Variants in GFRAL observed in about 807,000 individuals in gnomAD.
GFRAL encodes GDNF family receptor alpha like, also known as GDNF family receptor alpha-like.
A neutral mutation model predicts 45.4 loss-of-function variants in GFRAL; 36 were observed. The observed-to-expected ratio is 0.79, with a 90% CI of 0.61 to 1.05. The LOEUF (loss-of-function observed/expected upper bound fraction) is 1.05. Ranked by LOEUF, GFRAL falls within the 50% of genes least tolerant of loss-of-function variation. The pLI is 0.00. For synonymous variants in GFRAL, 166 were observed against 154.1 expected (o/e 1.08, Z -0.57); for missense variants, 507 against 467.5 (o/e 1.08, Z -0.78).
chr6:55,379,080 G>A (rs13217631), intron 6 of GFRAL, among the ~76,000 whole-genome samples: 43,639 of 151,828 alleles, frequency 0.29, 7,250 homozygotes, highest in Middle Eastern at 0.45. Context: ...CAACCTGAGA[G>A]CTTGAATGAG....
intron 8 of GFRAL, among the ~76,000 whole-genome samples, chr6:55,401,135 G>A (rs1768891435): frequency 6.6e-6 from 1 of 152,070 alleles, no homozygotes. Context: ...ATGGACAAAT[G>A]TTTTGAATTT....
intron 6 of GFRAL, among the ~76,000 whole-genome samples, chr6:55,369,288 G>A (rs1347027599): frequency 1.3e-5 from 2 of 152,160 alleles, no homozygotes; most frequent in East Asian, 1.9e-4. Flanking sequence ...GCAATGCCTC[G>A]CCCTGCTTCG....
At chr6:55,330,623 A>G (rs1041189709) in intron 1 of GFRAL, among the ~76,000 whole-genome samples, 1 of 152,188 alleles carries the variant, frequency 6.6e-6, no homozygotes, top group Non-Finnish European at 1.5e-5. Context: ...ATGCAGAGGT[A>G]GAAGACAGCA....
At chr6:55,354,020 A>G (rs56310985) in intron 5 of GFRAL, among the ~76,000 whole-genome samples, 16,369 of 152,058 alleles carry the variant, frequency 0.11, 998 homozygotes, top group African/African-American at 0.17. Flanking sequence ...AAATCACTAT[A>G]AAAATATCAG....
rs1768164936 is a variant in GFRAL at position 55,354,746 on chromosome 6, T to C, written c.701+3163T>C. Among the ~76,000 whole-genome samples, 3 of 152,062 alleles carry C rather than the reference T, an allele frequency of 2.0e-5. No homozygotes were observed. In the South Asian group the frequency reaches 6.2e-4, roughly 31 times the overall value. On this transcript the variant is annotated intron_variant, in intron 5 of 8. Transcript: ENST00000340465. ...TTCAATGAGAATATTAAGCCCTTTA[T>C]GATACTTATCTTTTTTGCAGAAGAG...
rs556734418 is a variant in GFRAL, at chr6:55,348,914, G to A, written c.317-1178G>A. On this transcript the variant is annotated intron_variant, in intron 3 of 8. Transcript: ENST00000340465. The stretch of plus-strand genomic sequence containing the variant: ...CTTACCAATCATTCCCAATGCAGGG[G>A]TACTAATCCATAAAAGAATGTCCAG... Among the ~76,000 whole-genome samples, 11 of 152,162 alleles carry A rather than the reference G, an allele frequency of 7.2e-5. No homozygotes were observed. In the East Asian group the frequency reaches 1.9e-3, roughly 27 times the overall value.
intron 5 of GFRAL, among the ~76,000 whole-genome samples, chr6:55,355,658 T>C (rs527615574): frequency 3.3e-5 from 5 of 152,126 alleles, no homozygotes; most frequent in East Asian, 1.9e-4. Context: ...TATAAAATTA[T>C]ATAATCTGCA....
intron 6 of GFRAL, among the ~76,000 whole-genome samples, chr6:55,360,397 T>A (rs1427473443): frequency 2.8e-5 from 3 of 107,068 alleles, no homozygotes; most frequent in African/African-American, 1.3e-4. Flanking sequence ...TATATCTACA[T>A]CTATATCTAT....
intron 6 of GFRAL, among the ~76,000 whole-genome samples, chr6:55,383,780 G>A (rs1768644979): frequency 6.6e-6 from 1 of 151,994 alleles, no homozygotes; most frequent in African/African-American, 2.4e-5. Context: ...CAATGGGCTT[G>A]AAAACTGGGG....
chr6:55,369,517 C>G (rs2127360269), intron 6 of GFRAL, among the ~76,000 whole-genome samples: 1 of 152,274 alleles, frequency 6.6e-6, no homozygotes, highest in Admixed American at 6.5e-5. Context: ...AGAGCTATAT[C>G]ATAATTGTTA....
intron 6 of GFRAL, among the ~76,000 whole-genome samples, chr6:55,367,496 G>A (rs1483084974): frequency 6.8e-6 from 1 of 146,352 alleles, no homozygotes; most frequent in African/African-American, 2.6e-5. Flanking sequence ...GATGTTAGCT[G>A]GTTATTTTGC....
intron 6 of GFRAL, among the ~76,000 whole-genome samples, chr6:55,386,266 T>A (rs938346195): frequency 6.6e-6 from 1 of 152,102 alleles, no homozygotes; most frequent in Non-Finnish European, 1.5e-5. Flanking sequence ...ATAAGGCACG[T>A]TTCTTTGCTT....
At chr6:55,344,536 T>C (rs1282588483) in intron 3 of GFRAL, among the ~76,000 whole-genome samples, 2 of 152,196 alleles carry the variant, frequency 1.3e-5, no homozygotes, top group African/African-American at 2.4e-5. Context: ...TGATGGGATG[T>C]ATCTCAAAAT....
At chr6:55,394,070 A>T (rs534897466) in intron 6 of GFRAL, among the ~76,000 whole-genome samples, 26 of 152,180 alleles carry the variant, frequency 1.7e-4, no homozygotes, top group Non-Finnish European at 3.5e-4. Flanking sequence ...GGGATATACG[A>T]TTGAAAGAAG....
chr6:55,366,376 C>G (rs1269926617), intron 6 of GFRAL, among the ~76,000 whole-genome samples: 4 of 147,996 alleles, frequency 2.7e-5, no homozygotes, highest in Admixed American at 1.3e-4. Context: ...TTTTGTTGAT[C>G]CTTTCAAAAA....
chr6:55,332,931 T>C (rs2127349829), intron 2 of GFRAL, among the ~76,000 whole-genome samples: 1 of 152,238 alleles, frequency 6.6e-6, no homozygotes. Flanking sequence ...AACATTGTTC[T>C]ACAGCATAAT....
chr6:55,373,736 T>C (rs967225815), intron 6 of GFRAL, among the ~76,000 whole-genome samples: 4 of 148,932 alleles, frequency 2.7e-5, no homozygotes, highest in Non-Finnish European at 4.4e-5. Context: ...TATTTTCCTT[T>C]GTTTTCTTCA....
chr6:55,388,810 T>C (rs1768711756), intron 6 of GFRAL, among the ~76,000 whole-genome samples: 1 of 152,216 alleles, frequency 6.6e-6, no homozygotes, highest in African/African-American at 2.4e-5. Flanking sequence ...TTGGTAAAAC[T>C]GGCTTAGCAG....
At chr6:55,327,745 C>T (rs1304333586) in intron 1 of GFRAL, among the ~76,000 whole-genome samples, 169 bp downstream of exon 1, 1 of 152,000 alleles carries the variant, frequency 6.6e-6, no homozygotes, top group East Asian at 1.9e-4. Flanking sequence ...TGTACACTCA[C>T]TTTTACTCAC....
Sources: gnomAD v4.1 joint callset for allele counts (sites outside exome capture counted in the v4.1 genomes callset) on GRCh38, gnomAD v4.1.1 for gene constraint, MANE v1.5 for transcripts, NCBI Gene and HGNC (gene_info 2026-07-23, HGNC 2026-07-21) for gene names.